The following FHIT variants were observed in gnomAD, a reference collection of about 807,000 sequenced individuals.
The protein encoded by FHIT is fragile histidine triad diadenosine triphosphatase.
Under a neutral mutation model 17.9 loss-of-function variants are expected in FHIT, and 19 were observed. The ratio of observed to expected loss-of-function variants is 1.06; its 90% CI spans 0.74 to 1.56. FHIT has a LOEUF of 1.56. Ranked by LOEUF, FHIT falls within the 40% of genes most tolerant of loss-of-function variation. FHIT has a pLI of 0.00. For missense variants in FHIT, 248 were observed against 189.2 expected (o/e 1.31, Z -1.82); for synonymous variants, 81 against 69.7 (o/e 1.16, Z -0.81).
chr3:60,450,053 A>T (rs544731925), intron 5 of FHIT, among the ~76,000 whole-genome samples: 1 of 150,852 alleles, frequency 6.6e-6, no homozygotes, highest in Non-Finnish European at 1.5e-5. Context: ...AAAATGGTAG[A>T]CCTATATAGA....
intron 3 of FHIT, among the ~76,000 whole-genome samples, chr3:60,950,224 T>C (rs782650211): frequency 1.3e-5 from 2 of 152,188 alleles, no homozygotes; most frequent in Non-Finnish European, 2.9e-5. Context: ...TATGCAGACA[T>C]TGAAAATTAA....
At chr3:60,455,443 C>G (rs2032028310) in intron 5 of FHIT, among the ~76,000 whole-genome samples, 1 of 152,114 alleles carries the variant, frequency 6.6e-6, no homozygotes, top group Admixed American at 6.5e-5. Flanking sequence ...TGCCTACATG[C>G]ACGTCTTCAA....
chr3:60,481,112 A>T (rs2033588863), intron 5 of FHIT, among the ~76,000 whole-genome samples: 1 of 152,188 alleles, frequency 6.6e-6, no homozygotes, highest in Non-Finnish European at 1.5e-5. Context: ...AAAGAGTTCC[A>T]CAAGACTAGA....
chr3:60,261,820 T>A (rs1337162083), intron 5 of FHIT, among the ~76,000 whole-genome samples: 1 of 151,878 alleles, frequency 6.6e-6, no homozygotes, highest in Non-Finnish European at 1.5e-5. Flanking sequence ...CTGCAGTACA[T>A]CATTAAGACT....
chr3:61,039,327 G>C (rs2033395043), intron 3 of FHIT, among the ~76,000 whole-genome samples: 1 of 152,006 alleles, frequency 6.6e-6, no homozygotes, highest in Non-Finnish European at 1.5e-5. Flanking sequence ...TTTACAGAAA[G>C]GTTACTTTAG....
At chr3:59,953,478 T>C (rs1707228635) in intron 7 of FHIT, among the ~76,000 whole-genome samples, 1 of 152,204 alleles carries the variant, frequency 6.6e-6, no homozygotes, top group African/African-American at 2.4e-5. Flanking sequence ...ATGCCAGCGC[T>C]GCCCTCTTCT....
chr3:61,063,268 G>A lies in FHIT; in HGVS notation c.-163-21169C>T, dbSNP rs1323099490. On this transcript the variant is annotated intron_variant, in intron 2 of 9. Transcript: ENST00000492590. ...GAGACTCTGTCTCAAAAAAAAAAAAGATTAGTTTTAAGTGAACCATGTACT... is the reference window on the plus strand; with the variant it reads ...GAGACTCTGTCTCAAAAAAAAAAAAAATTAGTTTTAAGTGAACCATGTACT... 4.1e-3 allele frequency among the ~76,000 whole-genome samples: 315 copies of A among 76,650 alleles called. 5 individuals carry two copies. The highest frequency in any genetic ancestry group is 6.2e-3 in the Non-Finnish European group (180 of 29,112). The allele number at this position is 76,650 out of a possible 152,430, so 50.3% of individuals were successfully genotyped here. A position where few individuals can be genotyped will look rare whatever the true frequency, so the allele number is the denominator to read the frequency against.
intron 5 of FHIT, among the ~76,000 whole-genome samples, chr3:60,156,015 G>T (rs1700672968): frequency 6.6e-6 from 1 of 152,112 alleles, no homozygotes; most frequent in Admixed American, 6.5e-5. Context: ...AGTAACCATT[G>T]CAAGATTGGA....
chr3:59,822,354 T>C (rs1185366032), intron 8 of FHIT, among the ~76,000 whole-genome samples: 1 of 152,174 alleles, frequency 6.6e-6, no homozygotes, highest in African/African-American at 2.4e-5. Context: ...CCATTTTTAG[T>C]TCTTTAAGGA....
chr3:61,133,629 C>T (rs2036826777), intron 2 of FHIT, among the ~76,000 whole-genome samples: 1 of 152,094 alleles, frequency 6.6e-6, no homozygotes, highest in Non-Finnish European at 1.5e-5. Flanking sequence ...AGAGTCACTG[C>T]TTTACTCGGG....
At chr3:59,921,663 A>ATATT (rs1429857203) in intron 8 of FHIT, among the ~76,000 whole-genome samples, 3 of 152,054 alleles carry the variant, frequency 2.0e-5, no homozygotes, top group Non-Finnish European at 2.9e-5. Context: ...AAATCACCTT[A>ATATT]TAACAGCCTG....
At chr3:59,851,206 G>C (rs1701918375) in intron 8 of FHIT, among the ~76,000 whole-genome samples, 2 of 10,000 alleles carry the variant, frequency 2.0e-4, no homozygotes, top group South Asian at 5.3e-3. Context: ...TAGTAGAGTG[G>C]TGTAATCCTC....
intron 2 of FHIT, among the ~76,000 whole-genome samples, chr3:61,191,336 G>T (rs1191999920): frequency 1.3e-5 from 2 of 152,072 alleles, no homozygotes; most frequent in African/African-American, 2.4e-5. Flanking sequence ...TGTGAGCTGG[G>T]ATACATGATC....
chr3:59,766,304 GT>G (rs1486986809), intron 8 of FHIT, among the ~76,000 whole-genome samples: 1 of 152,212 alleles, frequency 6.6e-6, no homozygotes, highest in Non-Finnish European at 1.5e-5. Context: ...GATGACCGCA[GT>G]TTTCCTCAAG....
At chr3:60,080,605 G>A (rs896152060) in intron 5 of FHIT, among the ~76,000 whole-genome samples, 2 of 152,046 alleles carry the variant, frequency 1.3e-5, no homozygotes, top group African/African-American at 4.8e-5. Context: ...AAGACATGAA[G>A]AATAAAACAG....
intron 7 of FHIT, among the ~76,000 whole-genome samples, chr3:59,974,046 G>T (rs1708302333): frequency 6.6e-6 from 1 of 151,858 alleles, no homozygotes; most frequent in East Asian, 1.9e-4. Flanking sequence ...GTTCTCTTGG[G>T]CAAAAATGGC....
chr3:60,598,864 AC>A (rs1553667681), intron 4 of FHIT, among the ~76,000 whole-genome samples: 1 of 152,142 alleles, frequency 6.6e-6, no homozygotes, highest in Admixed American at 6.6e-5. Context: ...CTTTTAGCAA[AC>A]ATACTGTTCA....
intron 5 of FHIT, among the ~76,000 whole-genome samples, chr3:60,360,060 G>A (rs1332901834): frequency 1.4e-5 from 2 of 141,714 alleles, no homozygotes; most frequent in African/African-American, 5.2e-5. Context: ...GAATACAAAT[G>A]TGCAGGTTTG....
At chr3:60,962,260 G>C (rs1183092490) in intron 3 of FHIT, among the ~76,000 whole-genome samples, 2 of 152,138 alleles carry the variant, frequency 1.3e-5, no homozygotes, top group African/African-American at 4.8e-5. Flanking sequence ...GAATGCTTGT[G>C]ATTTTTTGCA....
Sources: gnomAD v4.1 joint callset for allele counts (sites outside exome capture counted in the v4.1 genomes callset) on GRCh38, gnomAD v4.1.1 for gene constraint, MANE v1.5 for transcripts, NCBI Gene and HGNC (gene_info 2026-07-23, HGNC 2026-07-21) for gene names.